The following GINS1 variants were observed in gnomAD, a reference collection of about 807,000 sequenced individuals.
GINS1 encodes the protein GINS complex subunit 1.
GINS1 carries 26 observed loss-of-function variants against 34.9 expected under a neutral mutation model. That is an observed-to-expected ratio of 0.74 (90% CI 0.55 to 1.03). The LOEUF is 1.03. Ranked by LOEUF, GINS1 falls within the 50% of genes least tolerant of loss-of-function variation. The probability of loss-of-function intolerance (pLI) is 0.00; values close to 1 mark genes in which losing one functional copy is unlikely to be tolerated. For missense variants in GINS1, 235 were observed against 237.9 expected, an observed-to-expected ratio of 0.99 and a Z score of 0.08; for synonymous variants, 97 against 84.4, an observed-to-expected ratio of 1.15 and a Z score of -0.82.
At chr20:25,427,750 T>C (rs1418306348) in intron 5 of GINS1, among the ~76,000 whole-genome samples, 1 of 152,140 alleles carries the variant, frequency 6.6e-6, no homozygotes, top group Non-Finnish European at 1.5e-5. Context: ...AAATATTTTC[T>C]CCCATTCTCT....
At position 25,423,629 on chromosome 20, in the gene GINS1, T is replaced by C. The variant is rs1181477850; in HGVS notation, c.331-1582T>C. Among the ~76,000 whole-genome samples, 21 of 26,902 alleles carry C rather than the reference T, an allele frequency of 7.8e-4. No homozygotes were observed. The South Asian group carries it at 0.011, about 14-fold the overall frequency. 17.6% of individuals were successfully genotyped at this position (26,902 alleles called of 152,430 possible). A position where few individuals can be genotyped will look rare whatever the true frequency, so the allele number is the denominator to read the frequency against. ...TCTTCTCTCTTTTTTTTTTTTTTTTTCCGAGACGGAGTCTCTCTGTTGCCC... is the reference window on the plus strand; with the variant it reads ...TCTTCTCTCTTTTTTTTTTTTTTTTCCCGAGACGGAGTCTCTCTGTTGCCC... On this transcript the variant is annotated intron_variant, in intron 4 of 6. Coordinates refer to ENST00000262460, the MANE Select transcript of GINS1 (RefSeq NM_021067.5).
intron 2 of GINS1, among the ~76,000 whole-genome samples, chr20:25,415,993 A>G (rs1297490391): frequency 1.3e-5 from 2 of 152,148 alleles, no homozygotes; most frequent in Admixed American, 6.5e-5. Flanking sequence ...ATGGAAGAGA[A>G]TGGGGCACTC....
chr20:25,421,652 T>C (rs1395401134), intron 4 of GINS1, among the ~76,000 whole-genome samples: 6 of 152,208 alleles, frequency 3.9e-5, no homozygotes, highest in Non-Finnish European at 7.3e-5. Flanking sequence ...AAAATAGGTA[T>C]TTTTTTCTTT....
At chr20:25,442,607 A>T (rs907110747) in intron 6 of GINS1, among the ~76,000 whole-genome samples, 6 of 108,160 alleles carry the variant, frequency 5.5e-5, no homozygotes, top group Admixed American at 1.7e-4. Flanking sequence ...TATTATTATT[A>T]TTATTTTTTT....
Position 25,422,419 on chromosome 20 carries a change from G to GA in GINS1, c.331-2781dup, listed in dbSNP as rs879520064. ...TGAAACCCTATCTCTACCAAAAAAA[G>GA]AAAAAAAAAAACAAAAAAAAACTTA... On this transcript the variant is annotated intron_variant, in intron 4 of 6. Coordinates refer to ENST00000262460, the MANE Select transcript of GINS1 (RefSeq NM_021067.5). Among the ~76,000 whole-genome samples the GA allele has an allele frequency of 3.5e-3, 491 of 138,602 alleles. 1 individual carries two copies. Among genetic ancestry groups the GA allele is most frequent in the African/African-American group, 9.9e-3 (374 of 37,902 alleles). 90.9% of individuals were successfully genotyped at this position (138,602 alleles called of 152,430 possible).
intron 4 of GINS1, among the ~76,000 whole-genome samples, chr20:25,423,655 C>G (rs1365042929): frequency 6.9e-6 from 1 of 145,782 alleles, no homozygotes; most frequent in African/African-American, 2.6e-5. Flanking sequence ...TCTGTTGCCC[C>G]CAGGCTGGAG....
intron 5 of GINS1, among the ~76,000 whole-genome samples, chr20:25,426,535 T>A (rs569741766): frequency 6.6e-6 from 1 of 151,676 alleles, no homozygotes; most frequent in African/African-American, 2.4e-5. Context: ...TTTTTTTTTC[T>A]TTTTTTTGAG....
intron 4 of GINS1, among the ~76,000 whole-genome samples, chr20:25,421,926 C>G (rs980811380): frequency 6.6e-6 from 1 of 151,948 alleles, no homozygotes; most frequent in Non-Finnish European, 1.5e-5. Context: ...GGCAAGATCT[C>G]TCTCAGAGAA....
At chr20:25,429,141 A>C (rs1007577278) in intron 5 of GINS1, among the ~76,000 whole-genome samples, 1 of 151,524 alleles carries the variant, frequency 6.6e-6, no homozygotes, top group African/African-American at 2.4e-5. Context: ...GGCGCCTACC[A>C]CCATGCCCGG....
At chr20:25,420,079 T>G (rs1018946642) in intron 4 of GINS1, among the ~76,000 whole-genome samples, 1 of 152,130 alleles carries the variant, frequency 6.6e-6, no homozygotes, top group Non-Finnish European at 1.5e-5. Flanking sequence ...GATTACTGAG[T>G]TCCCAAAGTC....
chr20:25,442,564 C>T (rs1274174706), intron 6 of GINS1, among the ~76,000 whole-genome samples: 1 of 151,622 alleles, frequency 6.6e-6, no homozygotes, highest in Non-Finnish European at 1.5e-5. Flanking sequence ...TTCATATTCA[C>T]ATTAGATGAA....
intron 2 of GINS1, among the ~76,000 whole-genome samples, chr20:25,415,835 A>G (rs945372803): frequency 1.3e-5 from 2 of 152,214 alleles, no homozygotes; most frequent in African/African-American, 2.4e-5. Context: ...TAGAAGGTCT[A>G]GCTTAAATTG....
Position 25,445,928 on chromosome 20 carries a change from T to C in GINS1, c.528T>C (p.Phe176=), listed in dbSNP as rs1432429804. The part of the protein sequence containing the change: ...SVLLKKNSQH[F]LPRWKCEQLI... ...ATCCCTTCTTGTCCCCTCAGCACTTTTTACCTCGATGGAAATGTGAGCAGC... is the reference window on the plus strand; with the variant it reads ...ATCCCTTCTTGTCCCCTCAGCACTTCTTACCTCGATGGAAATGTGAGCAGC... The change falls in exon 7 of 7, where the codon TTT becomes TTC. Residue 176 remains phenylalanine, a synonymous_variant. Coordinates refer to ENST00000262460, the MANE Select transcript of GINS1 (RefSeq NM_021067.5). 4.4e-6 allele frequency: 7 copies of C among 1,603,682 alleles called. No individual in the cohort carries two copies. The highest frequency in any genetic ancestry group is 5.1e-6 in the Non-Finnish European group (6 of 1,170,916).
intron 4 of GINS1, among the ~76,000 whole-genome samples, chr20:25,421,922 A>C (rs970358659): frequency 1.3e-5 from 2 of 152,154 alleles, no homozygotes; most frequent in African/African-American, 4.8e-5. Context: ...ATTTGGCAAG[A>C]TCTCTCTCAG....
intron 4 of GINS1, among the ~76,000 whole-genome samples, chr20:25,423,419 A>AG (rs1479568747): frequency 8.3e-6 from 1 of 120,678 alleles, no homozygotes; most frequent in African/African-American, 3.1e-5. Flanking sequence ...GCCTACCCAG[A>AG]GGTTATTAAG....
intron 5 of GINS1, among the ~76,000 whole-genome samples, chr20:25,433,291 A>G (rs2090437345): frequency 6.6e-6 from 1 of 151,712 alleles, no homozygotes; most frequent in Non-Finnish European, 1.5e-5. Context: ...TTCCTTCATT[A>G]TTGCCTTCTT....
At chr20:25,429,378 G>A (rs1438050984) in intron 5 of GINS1, among the ~76,000 whole-genome samples, 5 of 152,042 alleles carry the variant, frequency 3.3e-5, no homozygotes, top group South Asian at 2.1e-4. Flanking sequence ...AGACACTTTT[G>A]GGATTATAGT....
At chr20:25,411,278 AAG>A (rs1408538176) in intron 1 of GINS1, 1 of 152,142 alleles carries the variant, frequency 6.6e-6, no homozygotes, top group Non-Finnish European at 1.5e-5. Context: ...CTGTCTCAAA[AAG>A]GAAAAGGTAA....
At chr20:25,442,863 C>T (rs2090490426) in intron 6 of GINS1, among the ~76,000 whole-genome samples, 2 of 152,146 alleles carry the variant, frequency 1.3e-5, no homozygotes, top group Admixed American at 6.5e-5. Context: ...ACCTCAGCCT[C>T]CCAAAGTGCT....
Sources: allele counts gnomAD v4.1 joint callset (sites outside exome capture counted in the v4.1 genomes callset), GRCh38; gene constraint gnomAD v4.1.1; transcripts MANE v1.5; gene names NCBI Gene and HGNC (gene_info 2026-07-23, HGNC 2026-07-21).